The following ZBTB43 variants were observed in gnomAD, a reference collection of about 807,000 sequenced individuals.
ZBTB43 encodes zinc finger and BTB domain-containing protein 43.
ZBTB43 carries 6 observed loss-of-function variants against 31.1 expected under a neutral mutation model. The ratio of observed to expected loss-of-function variants is 0.19; its 90% CI spans 0.11 to 0.38. ZBTB43 has a LOEUF of 0.38. Among genes scored for constraint, ZBTB43 ranks in the 10% least tolerant of loss-of-function variants. ZBTB43 has a pLI of 1.00. For missense variants in ZBTB43, 379 were observed against 602.1 expected, an observed-to-expected ratio of 0.63 and a Z score of 3.88; for synonymous variants, 212 against 221.7, an observed-to-expected ratio of 0.96 and a Z score of 0.39.
chr9:126,834,325 T>C lies in ZBTB43; in HGVS notation c.*412T>C, dbSNP rs373504718. On this transcript the variant is annotated 3_prime_UTR_variant, in exon 3 of 3. Transcript: ENST00000373464. The stretch of plus-strand genomic sequence containing the variant: ...GCTCTTGCTATAGATACTTAGGTAA[T>C]GTGGATTTGTTTTGGTAGCTATTTC... 5.8e-6 allele frequency: 1 copy of C among 171,802 alleles called. No homozygotes were observed. The highest frequency in any genetic ancestry group is 6.4e-5 in the Admixed American group (1 of 15,562). The allele number at this position is 171,802 out of a possible 1,614,324, so 10.6% of individuals were successfully genotyped here.
At chr9:126,827,474 G>T (rs1321408846) in intron 2 of ZBTB43, among the ~76,000 whole-genome samples, 1 of 152,184 alleles carries the variant, frequency 6.6e-6, no homozygotes, top group Non-Finnish European at 1.5e-5. Context: ...GGGGATTTAT[G>T]CACACTGATC....
At position 126,833,258 on chromosome 9, in the gene ZBTB43, G is replaced by A. The variant is rs758545202; in HGVS notation, c.749G>A (p.Arg250His). 1.1e-5 allele frequency: 17 copies of A among 1,613,412 alleles called. No homozygotes were observed. Among genetic ancestry groups the A allele is most frequent in the East Asian group, 6.7e-5 (3 of 44,868 alleles). Residue 250 changes from arginine to histidine, a missense_variant, in exon 3 of 3, where the codon CGC (arginine) becomes CAC (histidine). Physicochemically the swap from Arg to His is conservative, Grantham distance 29 (BLOSUM62 0). This residue lies in a region of ZBTB43 where 253 missense variants were observed against 322.3 expected (regional missense o/e 0.79). Transcript: ENST00000373464. This position sits in a 1 kb window ranked among gnomAD's most constrained non-coding sequence, Gnocchi z 7.9. ...HKRWIHVKPE[R>H]LEQACEGMDV... ...CGCTGGATCCACGTGAAGCCCGAGC[G>A]CTTAGAACAGGCTTGCGAGGGCATG...
At chr9:126,819,646 T>A (rs150679541) in intron 2 of ZBTB43, among the ~76,000 whole-genome samples, 140 of 152,176 alleles carry the variant, frequency 9.2e-4, no homozygotes, top group Non-Finnish European at 1.5e-3. Flanking sequence ...TTTAGGCCAA[T>A]TAATAAACCT....
At position 126,834,036 on chromosome 9, in the gene ZBTB43, T is replaced by G; in HGVS notation, c.*123T>G. 1 of 1,130,460 alleles carries G rather than the reference T, an allele frequency of 8.8e-7. No individual in the cohort carries two copies. Among genetic ancestry groups the G allele is most frequent in the Non-Finnish European group, 1.2e-6 (1 of 822,626 alleles). 70.0% of individuals were successfully genotyped at this position (1,130,460 alleles called of 1,614,324 possible). ...AGAAGCTTAAAAAAAAAAAGGAAGA[T>G]ATTTCTGAAAGACCAGCTCTAAGTA... On this transcript the variant is annotated 3_prime_UTR_variant, in exon 3 of 3. Transcript: ENST00000373464.
chr9:126,817,733 C>A (rs2032420641), intron 2 of ZBTB43, among the ~76,000 whole-genome samples: 1 of 152,218 alleles, frequency 6.6e-6, no homozygotes, highest in Non-Finnish European at 1.5e-5. Flanking sequence ...ACCTCGGCCT[C>A]CCAAAGTGCT....
In ZBTB43 at chr9:126,826,454, C is replaced by CTTTTTTTTTTTTT. The variant is rs35094731; in HGVS notation, c.-23-6018_-23-6006dup. ...GCGCCACCACTCCTGGCCCCCCCGC[C>CTTTTTTTTTTTTT]TTTTTTTTTTTTTTTTTTTTTTTTT... On this transcript the variant is annotated intron_variant, in intron 2 of 2. Coordinates refer to ENST00000373464, the MANE Select transcript of ZBTB43 (RefSeq NM_014007.4). 7.5e-5 allele frequency among the ~76,000 whole-genome samples: 4 copies of CTTTTTTTTTTTTT among 53,598 alleles called. 1 individual carries two copies. The East Asian group carries it at 4.0e-3, about 53-fold the overall frequency. The allele number at this position is 53,598 out of a possible 152,430, so 35.2% of individuals were successfully genotyped here. A position where few individuals can be genotyped will look rare whatever the true frequency, so the allele number is the denominator to read the frequency against.
In ZBTB43 at chr9:126,833,799, T is replaced by C. The variant is rs148655581; in HGVS notation, c.1290T>C (p.Cys430=). The change falls in exon 3 of 3, where the codon TGT becomes TGC. Residue 430 remains cysteine, a synonymous_variant. Transcript: ENST00000373464. The surrounding 1 kb of genome is among the most constrained non-coding windows in gnomAD (Gnocchi z 7.9). ...KIHTGIKPYE[C]NICAKRFMWR... ...ACACAGGCATAAAGCCGTATGAGTGTAATATCTGTGCAAAGAGGTTTATGT... is the reference window on the plus strand; with the variant it reads ...ACACAGGCATAAAGCCGTATGAGTGCAATATCTGTGCAAAGAGGTTTATGT... 9.3e-6 allele frequency: 15 copies of C among 1,611,046 alleles called. No individual in the cohort carries two copies. The African/African-American group carries it at 1.7e-4, about 19-fold the overall frequency.
rs1261259653 is a variant in ZBTB43 at position 126,836,253 on chromosome 9, G to A, written c.*2340G>A. 6.0e-6 allele frequency: 1 copy of A among 167,098 alleles called. No homozygotes were observed. Among genetic ancestry groups the A allele is most frequent in the East Asian group, 1.9e-4 (1 of 5,206 alleles). The allele number at this position is 167,098 out of a possible 1,614,324, so 10.4% of individuals were successfully genotyped here. ...TTCAGCCAAGAGTGGTGGCACGCTT[G>A]GGTGGTAGTTTTGGAAGCAGTCAGT... On this transcript the variant is annotated 3_prime_UTR_variant, in exon 3 of 3. Coordinates refer to ENST00000373464, the MANE Select transcript of ZBTB43 (RefSeq NM_014007.4).
chr9:126,810,252 T>C (rs2119109427), intron 2 of ZBTB43, among the ~76,000 whole-genome samples: 1 of 152,286 alleles, frequency 6.6e-6, no homozygotes, highest in East Asian at 1.9e-4. Flanking sequence ...TGGAGTGCAG[T>C]GGCAGAATCT....
chr9:126,810,259 A>G (rs1332247987), intron 2 of ZBTB43, among the ~76,000 whole-genome samples: 1 of 152,064 alleles, frequency 6.6e-6, no homozygotes, highest in African/African-American at 2.4e-5. Context: ...CAGTGGCAGA[A>G]TCTCCGCTCA....
At chr9:126,815,325 T>G (rs1047046979) in intron 2 of ZBTB43, among the ~76,000 whole-genome samples, 57 of 145,196 alleles carry the variant, frequency 3.9e-4, no homozygotes, top group Non-Finnish European at 7.1e-4. Context: ...TTTCAATATA[T>G]AAAACTATAT....
At position 126,833,511 on chromosome 9, in the gene ZBTB43, A is replaced by G. The variant is rs767799626; in HGVS notation, c.1002A>G (p.Leu334=). Residue 334 remains leucine (L), a synonymous_variant, in exon 3 of 3, where the codon CTA becomes CTG. Coordinates refer to ENST00000373464, the MANE Select transcript of ZBTB43 (RefSeq NM_014007.4). The surrounding 1 kb of genome is among the most constrained non-coding windows in gnomAD (Gnocchi z 7.9). ...CCGGAGAGAGGTCAGATGGGAATCTAATTGGGCACAGACAGGAGGCTGCCC... is the reference window on the plus strand; with the variant it reads ...CCGGAGAGAGGTCAGATGGGAATCTGATTGGGCACAGACAGGAGGCTGCCC... ...EFSGERSDGN[L]IGHRQEAALA... is the part of the protein sequence containing the mutation. 8 of 1,614,172 alleles carry G rather than the reference A, an allele frequency of 5.0e-6. No individual in the cohort carries two copies. The South Asian group carries it at 7.7e-5, about 16-fold the overall frequency.
At chr9:126,824,279 C>T (rs777231922) in intron 2 of ZBTB43, among the ~76,000 whole-genome samples, 1 of 152,216 alleles carries the variant, frequency 6.6e-6, no homozygotes, top group Non-Finnish European at 1.5e-5. Context: ...CCTGCCTTGG[C>T]CTTCCAAAGT....
At chr9:126,827,049 C>T (rs996427544) in intron 2 of ZBTB43, among the ~76,000 whole-genome samples, 1 of 152,186 alleles carries the variant, frequency 6.6e-6, no homozygotes, top group Admixed American at 6.5e-5. Context: ...TTCTACGCCT[C>T]CTCTGGGATT....
At chr9:126,807,098 T>C (rs1453226919) in intron 1 of ZBTB43, among the ~76,000 whole-genome samples, 1 of 152,234 alleles carries the variant, frequency 6.6e-6, no homozygotes, top group African/African-American at 2.4e-5. Flanking sequence ...TCTATTTGCC[T>C]TTAAGGTAGT....
intron 2 of ZBTB43, among the ~76,000 whole-genome samples, chr9:126,826,084 G>C (rs1243866412): frequency 1.4e-5 from 2 of 147,574 alleles, no homozygotes; most frequent in East Asian, 4.1e-4. Context: ...ACTGATCTTG[G>C]CTCACTGCAA....
At chr9:126,813,490 CAT>C (rs893082885) in intron 2 of ZBTB43, among the ~76,000 whole-genome samples, 8 of 152,090 alleles carry the variant, frequency 5.3e-5, no homozygotes, top group African/African-American at 1.9e-4. Context: ...CATTGTCACT[CAT>C]AGAAGGAAGC....
In ZBTB43 at chr9:126,833,875, G is replaced by A. The variant is rs1488069217; in HGVS notation, c.1366G>A (p.Ala456Thr). ...GACTTCTTGTACTAAGTCCTACGAAGCTGCAAAGGCTGAGCAGAATACAAC... is the reference window on the plus strand; with the variant it reads ...GACTTCTTGTACTAAGTCCTACGAAACTGCAAAGGCTGAGCAGAATACAAC... The part of the protein sequence containing the change: ...HVTSCTKSYE[A>T]AKAEQNTTEA... The change falls in exon 3 of 3, where the codon GCT becomes ACT. Residue 456 changes from alanine (A) to threonine (T), a missense_variant. Physicochemically the swap from Ala to Thr is moderately conservative, Grantham distance 58. This residue lies in a region of ZBTB43 where 21 missense variants were observed against 22.4 expected (regional missense o/e 0.94). Transcript: ENST00000373464. This position sits in a 1 kb window ranked among gnomAD's most constrained non-coding sequence, Gnocchi z 7.9. The A allele has an allele frequency of 6.3e-7, 1 of 1,591,300 alleles. No individual in the cohort carries two copies. Among genetic ancestry groups the A allele is most frequent in the Non-Finnish European group, 8.6e-7 (1 of 1,161,122 alleles).
intron 2 of ZBTB43, among the ~76,000 whole-genome samples, chr9:126,811,657 A>C (rs1367734753): frequency 2.6e-5 from 4 of 151,878 alleles, no homozygotes; most frequent in African/African-American, 9.7e-5. Flanking sequence ...ATGGAGTCTC[A>C]CTCTGTCGCC....
Sources: allele counts gnomAD v4.1 joint callset (sites outside exome capture counted in the v4.1 genomes callset), GRCh38; gene constraint gnomAD v4.1.1; regional missense constraint gnomAD v4.1.1; non-coding constraint Gnocchi (gnomAD v3.1); transcripts MANE v1.5; gene names NCBI Gene and HGNC (gene_info 2026-07-23, HGNC 2026-07-21).